RAB8B: variants seen among roughly 807,000 people sequenced by gnomAD.
RAB8B encodes RAB8B, member RAS oncogene family, also known as ras-related protein Rab-8B.
Under a neutral mutation model 32.0 loss-of-function variants are expected in RAB8B, and 11 were observed. That is an observed-to-expected ratio of 0.34 (90% CI 0.22 to 0.57). The LOEUF (loss-of-function observed/expected upper bound fraction) is 0.57. Ranked by LOEUF, RAB8B falls within the 20% of genes least tolerant of loss-of-function variation. The pLI is 0.86. For synonymous variants in RAB8B, 103 were observed against 89.6 expected (o/e 1.15, Z -0.85); for missense variants, 190 against 258.5 (o/e 0.73, Z 1.82).
intron 1 of RAB8B, among the ~76,000 whole-genome samples, chr15:63,230,457 A>T (rs1567015448): frequency 6.6e-6 from 1 of 151,984 alleles, no homozygotes; most frequent in African/African-American, 2.4e-5. Context: ...GCCCACCACC[A>T]CACCTGGCTA....
chr15:63,266,084 G>A lies in RAB8B; in HGVS notation c.*2465G>A, dbSNP rs1180117258. On this transcript the variant is annotated 3_prime_UTR_variant, in exon 8 of 8. Coordinates refer to ENST00000321437, the MANE Select transcript of RAB8B (RefSeq NM_016530.3). ...CAGTGCATTATTTTTTCTATTTGTA[G>A]ATGAATTTAATGACAGATAATTGTC... 1.3e-5 allele frequency: 2 copies of A among 152,536 alleles called. No individual in the cohort carries two copies. The allele number at this position is 152,536 out of a possible 1,614,324, so 9.4% of individuals were successfully genotyped here. A position where few individuals can be genotyped will look rare whatever the true frequency, so the allele number is the denominator to read the frequency against.
At chr15:63,250,805 C>T (rs571446104) in intron 3 of RAB8B, among the ~76,000 whole-genome samples, 1 of 150,724 alleles carries the variant, frequency 6.6e-6, no homozygotes, top group African/African-American at 2.4e-5. Flanking sequence ...GAAGGTTGAA[C>T]AACTGAGGTC....
chr15:63,218,573 G>T (rs1340830175), intron 1 of RAB8B, among the ~76,000 whole-genome samples: 1 of 152,130 alleles, frequency 6.6e-6, no homozygotes, highest in Non-Finnish European at 1.5e-5. Flanking sequence ...CATTTATTTT[G>T]CAGGCAATTA....
intron 1 of RAB8B, among the ~76,000 whole-genome samples, chr15:63,214,291 T>TC (rs1239468696): frequency 7.2e-6 from 1 of 138,774 alleles, no homozygotes; most frequent in Non-Finnish European, 1.6e-5. Flanking sequence ...TCTTTCTTTT[T>TC]TTTTTTTTTT....
intron 1 of RAB8B, among the ~76,000 whole-genome samples, chr15:63,190,406 T>C (rs999041688): frequency 2.6e-5 from 4 of 151,850 alleles, no homozygotes; most frequent in African/African-American, 9.7e-5. Context: ...TGAGGATACT[T>C]GATGGAGAAA....
At chr15:63,193,048 C>T (rs2037571389) in intron 1 of RAB8B, among the ~76,000 whole-genome samples, 1 of 152,030 alleles carries the variant, frequency 6.6e-6, no homozygotes, top group African/African-American at 2.4e-5. Flanking sequence ...CATAGCAAGA[C>T]CCCATCTCTA....
intron 1 of RAB8B, among the ~76,000 whole-genome samples, chr15:63,198,645 A>G (rs1464515275): frequency 1.3e-5 from 2 of 152,180 alleles, no homozygotes; most frequent in Non-Finnish European, 2.9e-5. Context: ...CCCATATCAC[A>G]TTATAATTTT....
In RAB8B at chr15:63,259,341, G is replaced by C. The variant is rs1054838032; in HGVS notation, c.415-286G>C. ...TCATCATGTTAGCAAGGAGGGTCTCGATCTCCTGACCTCGTGATCCGTCTG... is the reference window on the plus strand; with the variant it reads ...TCATCATGTTAGCAAGGAGGGTCTCCATCTCCTGACCTCGTGATCCGTCTG... On this transcript the variant is annotated intron_variant, in intron 5 of 7. Transcript: ENST00000321437. This position sits in a 1 kb window ranked among gnomAD's most constrained non-coding sequence, Gnocchi z 4.4. 6.6e-6 allele frequency among the ~76,000 whole-genome samples: 1 copy of C among 152,054 alleles called. No individual in the cohort carries two copies. Among genetic ancestry groups the C allele is most frequent in the South Asian group, 2.1e-4 (1 of 4,822 alleles).
At chr15:63,223,476 A>G (rs918623389) in intron 1 of RAB8B, among the ~76,000 whole-genome samples, 1 of 152,224 alleles carries the variant, frequency 6.6e-6, no homozygotes, top group Non-Finnish European at 1.5e-5. Context: ...GTTTAAACAC[A>G]CAAATACTTA....
chr15:63,240,866 G>A (rs2038026864), intron 1 of RAB8B, among the ~76,000 whole-genome samples: 1 of 150,452 alleles, frequency 6.6e-6, no homozygotes, highest in African/African-American at 2.4e-5. Flanking sequence ...TTAAATGAAT[G>A]GAGAGTGAGG....
chr15:63,250,669 G>C (rs2038110462), intron 3 of RAB8B, among the ~76,000 whole-genome samples: 1 of 151,828 alleles, frequency 6.6e-6, no homozygotes, highest in Non-Finnish European at 1.5e-5. Flanking sequence ...TTACTTCCAT[G>C]AGCTGTGCTT....
At chr15:63,225,002 G>A (rs2141124125) in intron 1 of RAB8B, among the ~76,000 whole-genome samples, 2 of 152,282 alleles carry the variant, frequency 1.3e-5, no homozygotes, top group Middle Eastern at 6.8e-3. Context: ...TAGAGCAGCA[G>A]GTTCTTTATC....
At chr15:63,228,138 T>G (rs1265770176) in intron 1 of RAB8B, among the ~76,000 whole-genome samples, 1 of 152,138 alleles carries the variant, frequency 6.6e-6, no homozygotes, top group African/African-American at 2.4e-5. Flanking sequence ...CACCTTAGCC[T>G]CCTAAGTAGT....
At chr15:63,236,643 T>C (rs1391531331) in intron 1 of RAB8B, among the ~76,000 whole-genome samples, 1 of 152,228 alleles carries the variant, frequency 6.6e-6, no homozygotes, top group African/African-American at 2.4e-5. Flanking sequence ...ATAGTAGATG[T>C]ATATATTTAT....
intron 1 of RAB8B, chr15:63,223,013 A>T (rs918980658): frequency 1.7e-4 from 79 of 455,794 alleles, no homozygotes; most frequent in African/African-American, 1.4e-3. Context: ...CTTCACATTC[A>T]CTCATCACTC....
intron 6 of RAB8B, among the ~76,000 whole-genome samples, chr15:63,261,156 C>T (rs968317187): frequency 6.6e-6 from 1 of 152,142 alleles, no homozygotes; most frequent in Admixed American, 6.5e-5. Flanking sequence ...AAATGGCCAA[C>T]AGGTATATGA....
rs1467129427 is a variant in RAB8B at position 63,189,738 on chromosome 15, C to T, written c.114C>T (p.Ile38=). 5.0e-6 allele frequency: 8 copies of T among 1,612,372 alleles called. No homozygotes were observed. The East Asian group carries it at 1.8e-4, about 36-fold the overall frequency. The change falls in exon 1 of 8, where the codon ATC becomes ATT. Residue 38 remains isoleucine, a synonymous_variant. Transcript: ENST00000321437. ...AGGACGCCTTCAACACCACCTTCAT[C>T]TCCACCATCGGTGAGGGAGGGGCCG... ...FSEDAFNTTF[I]STIGIDFKIR...
At chr15:63,216,270 C>G (rs1567011936) in intron 1 of RAB8B, among the ~76,000 whole-genome samples, 1 of 145,824 alleles carries the variant, frequency 6.9e-6, no homozygotes, top group Non-Finnish European at 1.5e-5. Context: ...GCTCTGTCTC[C>G]CCCACTGGAG....
chr15:63,263,278 A>G (rs1364223202), intron 7 of RAB8B, among the ~76,000 whole-genome samples: 1 of 152,190 alleles, frequency 6.6e-6, no homozygotes, highest in African/African-American at 2.4e-5. Flanking sequence ...GAAGCTTCCT[A>G]TTGAATACAT....
Sources: allele counts gnomAD v4.1 joint callset (sites outside exome capture counted in the v4.1 genomes callset), GRCh38; gene constraint gnomAD v4.1.1; non-coding constraint Gnocchi (gnomAD v3.1); transcripts MANE v1.5; gene names NCBI Gene and HGNC (gene_info 2026-07-23, HGNC 2026-07-21).